Variants in GARIN5B observed in about 807,000 individuals in gnomAD.
The protein encoded by GARIN5B is golgi associated RAB2 interactor family member 5B.
the GARIN5B span, chr19:55,359,966 G>A: frequency 6.5e-7 from 1 of 1,547,850 alleles, no homozygotes; most frequent in Non-Finnish European, 8.7e-7. Flanking sequence ...TTCATCAGAT[G>A]CAGATGTGCA....
the GARIN5B span, chr19:55,363,114 G>A: frequency 4.3e-5 from 61 of 1,429,340 alleles, no homozygotes; most frequent in Non-Finnish European, 5.2e-5. This position sits in a 1 kb window ranked among gnomAD's most constrained non-coding sequence, Gnocchi z 4.0. Flanking sequence ...GAACCCAGGC[G>A]TGCAGGCCTC....
the GARIN5B span, chr19:55,358,808 T>TG: frequency 1.3e-6 from 2 of 1,548,256 alleles, no homozygotes; most frequent in Non-Finnish European, 1.7e-6. Flanking sequence ...GGGCCTGCTG[T>TG]GCTCCTGGGA....
At chr19:55,362,299 C>T in the GARIN5B span, 28 of 1,549,344 alleles carry the variant, frequency 1.8e-5, no homozygotes, top group Non-Finnish European at 2.4e-5. Context: ...CCAGGGGGGC[C>T]GTGCGCGTGG....
the GARIN5B span, among the ~76,000 whole-genome samples, chr19:55,356,804 C>T: frequency 6.6e-6 from 1 of 151,756 alleles, no homozygotes; most frequent in Non-Finnish European, 1.5e-5. Flanking sequence ...AATCCCAACA[C>T]TTTTGGGAGG....
At chr19:55,359,982 G>A in the GARIN5B span, 2 of 1,541,248 alleles carry the variant, frequency 1.3e-6, no homozygotes, top group South Asian at 1.2e-5. Flanking sequence ...GTGCAGGCCT[G>A]TAGGTGGACA....
the GARIN5B span, chr19:55,355,281 G>C: frequency 6.5e-7 from 1 of 1,547,658 alleles, no homozygotes; most frequent in Non-Finnish European, 8.7e-7. Context: ...GGGCTCCTCT[G>C]GACAGTTTCC....
the GARIN5B span, among the ~76,000 whole-genome samples, chr19:55,356,110 CT>C: frequency 6.6e-6 from 1 of 151,796 alleles, no homozygotes; most frequent in African/African-American, 2.4e-5. Flanking sequence ...GGCAATAGAG[CT>C]CACCCCTGTA....
the GARIN5B span, chr19:55,360,670 C>T: frequency 6.5e-7 from 1 of 1,550,232 alleles, no homozygotes; most frequent in Non-Finnish European, 8.7e-7. Context: ...GGGCCTGGGC[C>T]CTGCCCCGGG....
chr19:55,358,561 C>T, the GARIN5B span: 9 of 1,550,674 alleles, frequency 5.8e-6, no homozygotes, highest in African/African-American at 1.4e-5. Context: ...CCCATGGCCG[C>T]TTGCCCTCCT....
At chr19:55,362,678 T>C in the GARIN5B span, 3 of 1,545,276 alleles carry the variant, frequency 1.9e-6, no homozygotes, top group African/African-American at 1.4e-5. Flanking sequence ...GCCACGCCCA[T>C]GGCCAGCCGG....
chr19:55,359,567 G>T, the GARIN5B span: 1 of 1,551,386 alleles, frequency 6.4e-7, no homozygotes, highest in Non-Finnish European at 8.7e-7. Context: ...AGCCAATCCA[G>T]GTGGGGGTTT....
At chr19:55,358,945 C>T in the GARIN5B span, 3 of 1,551,226 alleles carry the variant, frequency 1.9e-6, no homozygotes, top group Non-Finnish European at 1.7e-6. Context: ...AGTCCTCCAA[C>T]TTCCCCTGGC....
chr19:55,360,968 C>T, the GARIN5B span: 6 of 1,547,744 alleles, frequency 3.9e-6, no homozygotes, highest in African/African-American at 1.4e-5. Context: ...CCTTCTCCCA[C>T]CCACCCACCG....
chr19:55,356,114 C>T, the GARIN5B span, among the ~76,000 whole-genome samples: 1 of 151,794 alleles, frequency 6.6e-6, no homozygotes, highest in Non-Finnish European at 1.5e-5. Flanking sequence ...ATAGAGCTCA[C>T]CCCTGTAATC....
chr19:55,362,573 G>C, the GARIN5B span: 1 of 1,536,546 alleles, frequency 6.5e-7, no homozygotes, highest in Non-Finnish European at 8.8e-7. Context: ...TGGGGGATGC[G>C]GCACCTGGTC....
the GARIN5B span, chr19:55,362,332 C>T: frequency 1.4e-5 from 22 of 1,550,346 alleles, no homozygotes; most frequent in East Asian, 7.3e-5. Context: ...AGGTGGGAGC[C>T]GGCTCCTGAA....
the GARIN5B span, chr19:55,358,832 G>A: frequency 6.5e-7 from 1 of 1,546,588 alleles, no homozygotes; most frequent in Non-Finnish European, 8.7e-7. Context: ...GCCCTCGACG[G>A]CCAGTTCCTT....
chr19:55,362,999 A>G, the GARIN5B span: 2 of 1,487,446 alleles, frequency 1.3e-6, no homozygotes, highest in African/African-American at 2.9e-5. Flanking sequence ...CAGCTCCCCC[A>G]GAACAGGGAC....
At chr19:55,358,001 C>T in the GARIN5B span, 2 of 942,400 alleles carry the variant, frequency 2.1e-6, no homozygotes, top group Non-Finnish European at 1.4e-6. Context: ...TTGCAGTGAG[C>T]CAAGATCATA....
Sources: allele counts gnomAD v4.1 joint callset (sites outside exome capture counted in the v4.1 genomes callset), GRCh38; gene constraint gnomAD v4.1.1; non-coding constraint Gnocchi (gnomAD v3.1); transcripts MANE v1.5; gene names NCBI Gene and HGNC (gene_info 2026-07-23, HGNC 2026-07-21).